Variants in STRA6 observed in about 807,000 individuals in gnomAD.
STRA6 encodes receptor for retinol uptake STRA6.
In STRA6, 48 loss-of-function variants were observed where a neutral mutation model predicts 83.6. The ratio of observed to expected loss-of-function variants is 0.57; its 90% CI spans 0.46 to 0.73. The LOEUF (loss-of-function observed/expected upper bound fraction) is 0.73, where lower values mean the gene tolerates loss of function less well. STRA6 is among the 30% of genes least tolerant of loss of function. STRA6 has a pLI of 0.00. For synonymous variants in STRA6, 353 were observed against 362.3 expected, an observed-to-expected ratio of 0.97 and a Z score of 0.29; for missense variants, 760 against 838.8, an observed-to-expected ratio of 0.91 and a Z score of 1.16.
chr15:74,185,936 G>T (rs2073225432), intron 12 of STRA6, among the ~76,000 whole-genome samples: 1 of 152,246 alleles, frequency 6.6e-6, no homozygotes, highest in African/African-American at 2.4e-5. Flanking sequence ...GTCAGTCCAG[G>T]GAAGTGTTCC....
At chr15:74,180,376 C>T in intron 18 of STRA6, 133 bp from the exon 19 acceptor site, 1 of 1,084,428 alleles carries the variant, frequency 9.2e-7, no homozygotes, top group Non-Finnish European at 1.4e-6. Context: ...CCCCTGCAGG[C>T]AGCACATGGA....
chr15:74,207,739 G>C (rs77704192), upstream of STRA6: 38,489 of 1,535,722 alleles, frequency 0.025, 577 homozygotes, highest in South Asian at 0.041. Context: ...ATAAGCAGCC[G>C]AGAGAGTCAA....
In STRA6 at chr15:74,194,675, T is replaced by C. The variant is rs1595850629; in HGVS notation, c.597+627A>G. Reference sequence around the variant, plus strand: ...AGGGACTGTTTGTCTTGTTCATAGCTGTAGTCCAGTGCCTGGAAATGTCCC... The same window carrying C: ...AGGGACTGTTTGTCTTGTTCATAGCCGTAGTCCAGTGCCTGGAAATGTCCC... On this transcript the variant is annotated intron_variant, in intron 7 of 18. Transcript: ENST00000395105. The C allele has an allele frequency of 1.2e-5, 11 of 933,920 alleles. No individual in the cohort carries two copies. In the East Asian group the frequency reaches 3.5e-4, roughly 30 times the overall value. 57.9% of individuals were successfully genotyped at this position (933,920 alleles called of 1,614,324 possible). A position where few individuals can be genotyped will look rare whatever the true frequency, so the allele number is the denominator to read the frequency against.
intron 12 of STRA6, 37 bp from the exon 13 acceptor site, chr15:74,185,092 G>T (rs1309032728): frequency 6.2e-7 from 1 of 1,604,256 alleles, no homozygotes; most frequent in Non-Finnish European, 8.5e-7. Flanking sequence ...AGAGGTCAGG[G>T]TCTGGAGAGT....
Position 74,180,927 on chromosome 15 carries a change from C to A in STRA6, c.1695G>T (p.Thr565=), listed in dbSNP as rs756400720. The part of the protein sequence containing the change: ...RAATLDPGYY[T]YRNFLKIEVS... ...CTTCAATCTTCAAGAAGTTTCGGTA[C>A]GTGTAGTAGCCTGGGGTGGGGTGGC... The change falls in exon 18 of 19, where the codon ACG becomes ACT. Residue 565 remains threonine (T), a synonymous_variant. Transcript: ENST00000395105. The A allele has an allele frequency of 3.7e-6, 6 of 1,613,694 alleles. No homozygotes were observed. The highest frequency in any genetic ancestry group is 2.2e-5 in the South Asian group (2 of 91,074).
intron 12 of STRA6, 70 bp downstream of exon 12, chr15:74,189,045 G>C: frequency 6.3e-7 from 1 of 1,581,080 alleles, no homozygotes; most frequent in Non-Finnish European, 8.6e-7. Context: ...TGGCTGACTA[G>C]GGCATAGACC....
At position 74,180,127 on chromosome 15, in the gene STRA6, C is replaced by T. The variant is rs150687411; in HGVS notation, c.1957G>A (p.Val653Ile). The change falls in exon 19 of 19, where the codon GTC (valine) becomes ATC (isoleucine). Residue 653 changes from valine to isoleucine, a missense_variant. By Grantham distance (29) the Val-to-Ile change is conservative. Transcript: ENST00000395105. ...YTLLHNPTLQ[V>I]FRKTALLGAN... ...CCCAACAGGGCCGTCTTGCGGAAGA[C>T]CTGCAGGGTTGGGTTGTGCAGCAGC... 5.0e-4 allele frequency: 814 copies of T among 1,613,620 alleles called. 1 individual carries two copies. The highest frequency in any genetic ancestry group is 6.1e-4 in the Non-Finnish European group (715 of 1,179,782).
chr15:74,193,785 G>A lies in STRA6; in HGVS notation c.720+15C>T, dbSNP rs760855615. ...GGGTGCTGAGGAAGAGCTCATCCCA[G>A]GCCTGCCCCTTTACCTTGGAGCCTG... On this transcript the variant is annotated intron_variant, in intron 8 of 18. Transcript: ENST00000395105. The A allele has an allele frequency of 7.1e-5, 114 of 1,613,074 alleles. No individual in the cohort carries two copies. Among genetic ancestry groups the A allele is most frequent in the Non-Finnish European group, 9.5e-5 (112 of 1,179,400 alleles).
chr15:74,202,118 T>C (rs2074095856), intron 2 of STRA6, 37 bp downstream of exon 2: 3 of 1,454,638 alleles, frequency 2.1e-6, no homozygotes, highest in South Asian at 1.7e-5. Flanking sequence ...CCCATTCTGA[T>C]GGCTGACAGA....
chr15:74,183,703 G>A (rs1158000024), intron 14 of STRA6, 153 bp downstream of exon 14: 16 of 1,580,180 alleles, frequency 1.0e-5, no homozygotes, highest in Admixed American at 6.8e-5. Flanking sequence ...GGGCAGGGAA[G>A]GCAGGGGGGT....
At chr15:74,193,951 C>G (rs763024694) in intron 7 of STRA6, 29 bp from the exon 8 acceptor site, 7 of 1,610,456 alleles carry the variant, frequency 4.3e-6, no homozygotes, top group Non-Finnish European at 5.9e-6. Flanking sequence ...AGACAGACTA[C>G]TTTCCACCTT....
intron 13 of STRA6, 53 bp downstream of exon 13, chr15:74,184,927 A>G (rs2073167859): frequency 6.4e-7 from 1 of 1,574,502 alleles, no homozygotes; most frequent in Non-Finnish European, 8.7e-7. Flanking sequence ...GGCCCACAGG[A>G]CTCCCACTCC....
At chr15:74,199,273 G>A (rs1021221121) in intron 2 of STRA6, among the ~76,000 whole-genome samples, 1 of 152,222 alleles carries the variant, frequency 6.6e-6, no homozygotes, top group Admixed American at 6.5e-5. Flanking sequence ...TTTCTCTCAG[G>A]AAATCCCAGC....
At chr15:74,211,127 TC>T (rs36139986), upstream of STRA6, among the ~76,000 whole-genome samples, 33,116 of 145,090 alleles carry the variant, frequency 0.23, 3,897 homozygotes, top group East Asian at 0.3. Flanking sequence ...TGCCAGAGAT[TC>T]CCCCCCACCA....
In STRA6 at chr15:74,183,909, G is replaced by C. The variant is rs750858793; in HGVS notation, c.1247C>G (p.Ala416Gly). 1 of 1,614,070 alleles carries C rather than the reference G, an allele frequency of 6.2e-7. No homozygotes were observed. The highest frequency in any genetic ancestry group is 2.2e-5 in the East Asian group (1 of 44,874). ...ACTGAAGCTCATCCAACAGAATATG[G>C]CTTGGCGGGAGGGATGGGGACTCCG... ...LHRSPHPSRQ[A>G]IFCWMSFSAY... is the part of the protein sequence containing the mutation. The change falls in exon 14 of 19, where the codon GCC (alanine) becomes GGC (glycine). Residue 416 changes from alanine (A) to glycine (G), a missense_variant. Transcript: ENST00000395105.
At chr15:74,181,267 A>G in intron 17 of STRA6, 28 bp downstream of exon 17, 1 of 1,610,672 alleles carries the variant, frequency 6.2e-7, no homozygotes, top group South Asian at 1.1e-5. Context: ...AGCCTGAGCA[A>G]TCCTCCAGCC....
chr15:74,180,694 C>T lies in STRA6; in HGVS notation c.1840+88G>A, dbSNP rs4886578. ...AGAGGAAGTGAGAATTTTCCTGGCG[C>T]TCACTCTGTGTGCTGGGGAGGGGCA... On this transcript the variant is annotated intron_variant, in intron 18 of 18. Transcript: ENST00000395105. 0.061 allele frequency: 92,819 copies of T among 1,511,048 alleles called. 4,011 individuals carry two copies. The highest frequency in any genetic ancestry group is 0.2 in the Admixed American group (9,532 of 46,554). 93.6% of individuals were successfully genotyped at this position (1,511,048 alleles called of 1,614,324 possible).
chr15:74,198,764 C>T (rs559111999), intron 2 of STRA6, among the ~76,000 whole-genome samples: 2 of 152,352 alleles, frequency 1.3e-5, no homozygotes, highest in Admixed American at 6.5e-5. Context: ...GCTGAATGCA[C>T]CTAACTGGGG....
chr15:74,208,468 C>G (rs374152187), intron 1 of STRA6, among the ~76,000 whole-genome samples: 195 of 152,262 alleles, frequency 1.3e-3, no homozygotes, highest in African/African-American at 4.2e-3. Context: ...GGGCAGATCC[C>G]CTGACTTCTC....
Sources: allele counts gnomAD v4.1 joint callset (sites outside exome capture counted in the v4.1 genomes callset), GRCh38; gene constraint gnomAD v4.1.1; transcripts MANE v1.5; gene names NCBI Gene and HGNC (gene_info 2026-07-23, HGNC 2026-07-21).